Variants in COL24A1 observed in about 807,000 individuals in gnomAD.
COL24A1 encodes the protein collagen alpha-1(XXIV) chain.
In COL24A1, 224 loss-of-function variants were observed where a neutral mutation model predicts 253.9. The ratio of observed to expected loss-of-function variants is 0.88; its 90% CI spans 0.79 to 0.99. The LOEUF is 0.99. Among genes scored for constraint, COL24A1 ranks in the 50% least tolerant of loss-of-function variants. The probability of loss-of-function intolerance (pLI) is 0.00; values close to 1 mark genes in which losing one functional copy is unlikely to be tolerated. For missense variants in COL24A1, 2,131 were observed against 2,068.5 expected, an observed-to-expected ratio of 1.03 and a Z score of -0.59; for synonymous variants, 685 against 673.7, an observed-to-expected ratio of 1.02 and a Z score of -0.26.
chr1:85,886,760 ACTTTTC>A (rs1321397017), intron 32 of COL24A1, among the ~76,000 whole-genome samples: 3 of 152,106 alleles, frequency 2.0e-5, no homozygotes, highest in Non-Finnish European at 4.4e-5. Context: ...TTAATAACAA[ACTTTTC>A]CTTGATTGTA....
chr1:85,739,598 A>G (rs1664394141), intron 57 of COL24A1, among the ~76,000 whole-genome samples: 1 of 152,330 alleles, frequency 6.6e-6, no homozygotes, highest in Admixed American at 6.5e-5. Flanking sequence ...TAATCACATT[A>G]TATCATTCAT....
intron 24 of COL24A1, among the ~76,000 whole-genome samples, chr1:85,954,612 C>T (rs1023104911): frequency 4.6e-5 from 7 of 152,124 alleles, no homozygotes; most frequent in Admixed American, 4.6e-4. Context: ...ATTATCAGTT[C>T]TCAATAAATG....
intron 52 of COL24A1, among the ~76,000 whole-genome samples, chr1:85,776,961 T>A (rs1668609594): frequency 6.6e-6 from 1 of 151,784 alleles, no homozygotes; most frequent in Non-Finnish European, 1.5e-5. Context: ...ACTTATTTTT[T>A]TTTTTTTGAG....
chr1:85,842,648 C>T (rs967823817), intron 39 of COL24A1, among the ~76,000 whole-genome samples: 3 of 151,678 alleles, frequency 2.0e-5, no homozygotes, highest in Non-Finnish European at 4.4e-5. Flanking sequence ...AAAAAAAATA[C>T]TTTCAGTTGT....
At chr1:85,991,470 G>A (rs1219194499) in intron 19 of COL24A1, among the ~76,000 whole-genome samples, 1 of 152,178 alleles carries the variant, frequency 6.6e-6, no homozygotes, top group Non-Finnish European at 1.5e-5. Context: ...TGGTTTCATG[G>A]GGCACATAAT....
intron 27 of COL24A1, among the ~76,000 whole-genome samples, chr1:85,908,253 C>A (rs1685029693): frequency 6.6e-6 from 1 of 151,676 alleles, no homozygotes; most frequent in Admixed American, 6.6e-5. Context: ...TTACAAATTT[C>A]TGAGAAAAAT....
intron 37 of COL24A1, among the ~76,000 whole-genome samples, chr1:85,864,114 A>G (rs1570969196): frequency 6.6e-6 from 1 of 152,176 alleles, no homozygotes; most frequent in Non-Finnish European, 1.5e-5. Flanking sequence ...GGTTTATTGC[A>G]GCACTATTCA....
chr1:85,871,626 G>T (rs1040129220), intron 35 of COL24A1, among the ~76,000 whole-genome samples: 1 of 152,238 alleles, frequency 6.6e-6, no homozygotes, highest in Non-Finnish European at 1.5e-5. Flanking sequence ...TGCAGAAAAG[G>T]CCTTTGACAA....
Position 85,907,240 on chromosome 1 carries a change from A to T in COL24A1, c.2732T>A (p.Val911Glu). The change falls in exon 28 of 60, where the codon GTG becomes GAG. Residue 911 changes from valine to glutamate, a missense_variant. Coordinates refer to ENST00000370571, the MANE Select transcript of COL24A1 (RefSeq NM_152890.7). The stretch of plus-strand genomic sequence containing the variant: ...ACTCCCAGGTGGTCCTCTTGCCCCC[A>T]CATGACCCTATATGTTGTAAATTTA... ...PIGPLGLPGH[V>E]GARGPPGSQG... 6.2e-7 allele frequency: 1 copy of T among 1,610,958 alleles called. No homozygotes were observed. The highest frequency in any genetic ancestry group is 8.5e-7 in the Non-Finnish European group (1 of 1,177,708).
intron 37 of COL24A1, 47 bp from the exon 38 acceptor site, chr1:85,849,453 T>A: frequency 7.2e-7 from 1 of 1,383,262 alleles, no homozygotes; most frequent in Non-Finnish European, 1.0e-6. Context: ...AAAGAAAAGA[T>A]GAGATGGAGT....
At position 85,783,502 on chromosome 1, in the gene COL24A1, T is replaced by G; in HGVS notation, c.4278A>C (p.Gly1426=). 1 of 1,613,236 alleles carries G rather than the reference T, an allele frequency of 6.2e-7. No individual in the cohort carries two copies. The highest frequency in any genetic ancestry group is 2.2e-5 in the East Asian group (1 of 44,832). ...AGAATGACTTTACACTTACTCTGTG[T>G]CCAATAGGACCTTTAGGACCTGATA... ...VGISGPKGPI[G]HRGNTGPLGR... The change falls in exon 51 of 60, where the codon GGA becomes GGC. Residue 1426 remains glycine, a synonymous_variant. Transcript: ENST00000370571.
intron 12 of COL24A1, among the ~76,000 whole-genome samples, chr1:86,046,542 C>T (rs1207424377): frequency 6.6e-6 from 1 of 152,100 alleles, no homozygotes; most frequent in South Asian, 2.1e-4. Flanking sequence ...AAGTTCTTCA[C>T]GTATTTTCTG....
intron 7 of COL24A1, among the ~76,000 whole-genome samples, chr1:86,067,595 C>T (rs146487017): frequency 5.9e-5 from 9 of 151,940 alleles, no homozygotes; most frequent in African/African-American, 1.7e-4. Context: ...CTCTATTATC[C>T]GAATGTTGAA....
Position 86,022,296 on chromosome 1 carries a change from A to G in COL24A1, c.2203-3T>C, listed in dbSNP as rs1467076586. The G allele has an allele frequency of 1.9e-6, 3 of 1,547,676 alleles. No individual in the cohort carries two copies. The highest frequency in any genetic ancestry group is 2.6e-6 in the Non-Finnish European group (3 of 1,157,506). On this transcript the variant is annotated splice_polypyrimidine_tract_variant and splice_region_variant and intron_variant, in intron 17 of 59. Coordinates refer to ENST00000370571, the MANE Select transcript of COL24A1 (RefSeq NM_152890.7). ...GGTCCTGGTAAACCAACAGCACCCT[A>G]AGAGAAGAGAATAACAGAAGAGAAA...
At chr1:85,919,581 G>A (rs950291613) in intron 24 of COL24A1, among the ~76,000 whole-genome samples, 2 of 152,232 alleles carry the variant, frequency 1.3e-5, no homozygotes, top group African/African-American at 4.8e-5. Flanking sequence ...CTACTCAGAA[G>A]ACTGAGGCGG....
At position 85,873,772 on chromosome 1, in the gene COL24A1, A is replaced by T. The variant is rs181050868; in HGVS notation, c.3138+877T>A. ...TGCAGCACACCAACATGGCACATGT[A>T]TACATATGTAACAAACCTGCACGTT... is the stretch of plus-strand genomic sequence containing the variant. On this transcript the variant is annotated intron_variant, in intron 35 of 59. Coordinates refer to ENST00000370571, the MANE Select transcript of COL24A1 (RefSeq NM_152890.7). 2.1e-3 allele frequency among the ~76,000 whole-genome samples: 314 copies of T among 152,236 alleles called. 10 individuals carry two copies. In the South Asian group the frequency reaches 0.052, roughly 25 times the overall value.
chr1:85,784,107 A>G lies in COL24A1; in HGVS notation c.4221+6T>C, dbSNP rs1024378197. 3.1e-6 allele frequency: 5 copies of G among 1,609,050 alleles called. No individual in the cohort carries two copies. Among genetic ancestry groups the G allele is most frequent in the Non-Finnish European group, 3.4e-6 (4 of 1,176,170 alleles). ...TAGAAGACTAGAAGAAAGTATGTAA[A>G]CATACTTTAGGGCCTGGGAATCCTT... On this transcript the variant is annotated splice_donor_region_variant and intron_variant, in intron 50 of 59. Transcript: ENST00000370571.
intron 33 of COL24A1, among the ~76,000 whole-genome samples, 197 bp from the exon 34 acceptor site, chr1:85,875,527 T>C (rs977934969): frequency 6.6e-6 from 1 of 152,144 alleles, no homozygotes; most frequent in Admixed American, 6.5e-5. Context: ...TCGTCTAAAA[T>C]TAGGACTTTT....
chr1:86,069,476 T>C (rs1032929486), intron 7 of COL24A1, among the ~76,000 whole-genome samples: 4 of 152,136 alleles, frequency 2.6e-5, no homozygotes, highest in Non-Finnish European at 5.9e-5. Flanking sequence ...TGTCTTTGAC[T>C]TCAATCACTG....
Sources: gnomAD v4.1 joint callset for allele counts (sites outside exome capture counted in the v4.1 genomes callset) on GRCh38, gnomAD v4.1.1 for gene constraint, MANE v1.5 for transcripts, NCBI Gene and HGNC (gene_info 2026-07-23, HGNC 2026-07-21) for gene names.